The following ITGB5 variants were observed in gnomAD, a reference collection of about 807,000 sequenced individuals.
The protein encoded by ITGB5 is integrin subunit beta 5.
A neutral mutation model predicts 84.8 loss-of-function variants in ITGB5; 38 were observed. The ratio of observed to expected loss-of-function variants is 0.45; its 90% CI spans 0.35 to 0.59. ITGB5 has a LOEUF of 0.59. Among genes scored for constraint, ITGB5 ranks in the 20% least tolerant of loss-of-function variants. ITGB5 has a pLI of 0.01. For synonymous variants in ITGB5, 393 were observed against 414.4 expected (o/e 0.95, Z 0.63); for missense variants, 905 against 1,034.5 (o/e 0.87, Z 1.72).
intron 3 of ITGB5, chr3:124,857,414 C>T (rs925358813): frequency 6.6e-6 from 1 of 152,144 alleles, no homozygotes; most frequent in African/African-American, 2.4e-5. Flanking sequence ...TGACAAAGAC[C>T]CTAAGATGCT....
chr3:124,878,436 T>C (rs1339577625), intron 1 of ITGB5, among the ~76,000 whole-genome samples: 1 of 152,258 alleles, frequency 6.6e-6, no homozygotes, highest in African/African-American at 2.4e-5. Context: ...TCTGTTATTA[T>C]TAAATATTCA....
intron 2 of ITGB5, among the ~76,000 whole-genome samples, chr3:124,861,346 C>T (rs2065294373): frequency 1.3e-5 from 2 of 151,674 alleles, no homozygotes; most frequent in Non-Finnish European, 2.9e-5. Context: ...CATGGTGGCT[C>T]ATGCCAGCAT....
At chr3:124,817,215 G>A (rs1316414096) in intron 8 of ITGB5, among the ~76,000 whole-genome samples, 1 of 152,198 alleles carries the variant, frequency 6.6e-6, no homozygotes, top group Non-Finnish European at 1.5e-5. Flanking sequence ...TTGCAGTGTG[G>A]TCCTGTGGCT....
chr3:124,896,127 G>C (rs1454521247), intron 1 of ITGB5, among the ~76,000 whole-genome samples: 1 of 152,228 alleles, frequency 6.6e-6, no homozygotes, highest in Non-Finnish European at 1.5e-5. Context: ...GGAAGACTAT[G>C]AGGGCCTGTC....
intron 7 of ITGB5, among the ~76,000 whole-genome samples, chr3:124,819,384 G>A (rs958309009): frequency 1.3e-5 from 2 of 152,194 alleles, no homozygotes; most frequent in Admixed American, 6.5e-5. Flanking sequence ...GATTAGTGAC[G>A]TAGCCTGATG....
intron 3 of ITGB5, among the ~76,000 whole-genome samples, chr3:124,853,933 A>C (rs1165743505): frequency 6.6e-6 from 1 of 152,250 alleles, no homozygotes; most frequent in African/African-American, 2.4e-5. Context: ...ACTGAGGCCA[A>C]TAATGACTTT....
chr3:124,805,447 C>T (rs371409988), intron 9 of ITGB5, among the ~76,000 whole-genome samples: 1 of 151,504 alleles, frequency 6.6e-6, no homozygotes, highest in East Asian at 1.9e-4. Flanking sequence ...CTAGCCATTA[C>T]TGCCATTACT....
At chr3:124,897,654 C>T (rs1935130246) in intron 1 of ITGB5, among the ~76,000 whole-genome samples, 1 of 152,052 alleles carries the variant, frequency 6.6e-6, no homozygotes, top group Admixed American at 6.6e-5. Flanking sequence ...CCCATCTCTA[C>T]AAAATAAAGA....
At position 124,824,271 on chromosome 3, in the gene ITGB5, C is replaced by A. The variant is rs1283131676; in HGVS notation, c.781-2797G>T. ...GATCAGTGGACTGGGATAGATAGAG[C>A]AAAAATAGATCCACACATATCTAGT... On this transcript the variant is annotated intron_variant, in intron 5 of 14. Transcript: ENST00000296181. 6.6e-5 allele frequency among the ~76,000 whole-genome samples: 10 copies of A among 151,742 alleles called. No homozygotes were observed. In the East Asian group the frequency reaches 1.9e-3, roughly 29 times the overall value.
chr3:124,784,727 G>C (rs3772829), intron 10 of ITGB5, among the ~76,000 whole-genome samples: 2,110 of 152,340 alleles, frequency 0.014, 34 homozygotes, highest in South Asian at 0.045. Flanking sequence ...AAAAGAAACA[G>C]AGGTACTTCA....
intron 14 of ITGB5, 86 bp from the exon 15 acceptor site, chr3:124,763,804 C>G (rs2063728169): frequency 1.3e-6 from 1 of 756,100 alleles, no homozygotes; most frequent in African/African-American, 1.7e-5. Flanking sequence ...GATCCCTTCC[C>G]AGGTCAGCCC....
At chr3:124,883,082 A>G (rs1335128027) in intron 1 of ITGB5, among the ~76,000 whole-genome samples, 1 of 152,204 alleles carries the variant, frequency 6.6e-6, no homozygotes, top group Non-Finnish European at 1.5e-5. Context: ...CCAACTGGAA[A>G]TACCTGTGAA....
At chr3:124,861,855 C>T (rs535962249) in intron 2 of ITGB5, among the ~76,000 whole-genome samples, 10 of 152,322 alleles carry the variant, frequency 6.6e-5, no homozygotes, top group East Asian at 3.9e-4. Context: ...CCAGTGCACC[C>T]GGCCTCTGGC....
At chr3:124,863,497 T>G (rs2065335779) in intron 2 of ITGB5, among the ~76,000 whole-genome samples, 1 of 152,186 alleles carries the variant, frequency 6.6e-6, no homozygotes, top group South Asian at 2.1e-4. Context: ...TTCGCCTCTA[T>G]TCCATGTGTT....
chr3:124,835,542 C>G (rs2064922863), intron 5 of ITGB5, among the ~76,000 whole-genome samples: 1 of 152,228 alleles, frequency 6.6e-6, no homozygotes, highest in African/African-American at 2.4e-5. Context: ...GGCGCTGGAT[C>G]AAGCCCCGGA....
intron 8 of ITGB5, among the ~76,000 whole-genome samples, chr3:124,814,844 G>A (rs956582418): frequency 1.3e-5 from 2 of 152,078 alleles, no homozygotes; most frequent in South Asian, 2.1e-4. Context: ...AGTTTAACTC[G>A]CAGAATCAAG....
chr3:124,769,278 G>T, intron 11 of ITGB5, 165 bp from the exon 12 acceptor site: 1 of 598,374 alleles, frequency 1.7e-6, no homozygotes, highest in Non-Finnish European at 2.9e-6. Context: ...TCTTGTTATG[G>T]GAGGAAGCCC....
chr3:124,901,353 T>C (rs1390483194), exon 1 of ITGB5: 1 of 152,222 alleles, frequency 6.6e-6, no homozygotes, highest in Admixed American at 6.5e-5. Flanking sequence ...ATCTCGCCAC[T>C]GCACTCCAGC....
intron 8 of ITGB5, among the ~76,000 whole-genome samples, chr3:124,814,642 C>T (rs1256140898): frequency 1.3e-5 from 2 of 151,952 alleles, no homozygotes; most frequent in African/African-American, 2.4e-5. Flanking sequence ...TTTTTGGTCT[C>T]GCTATGTTGA....
Sources: gnomAD v4.1 joint callset for allele counts (sites outside exome capture counted in the v4.1 genomes callset) on GRCh38, gnomAD v4.1.1 for gene constraint, MANE v1.5 for transcripts, NCBI Gene and HGNC (gene_info 2026-07-23, HGNC 2026-07-21) for gene names.